Variants in TENM2 observed in about 807,000 individuals in gnomAD.
TENM2 encodes the protein teneurin-2.
A neutral mutation model predicts 245.2 loss-of-function variants in TENM2; 52 were observed. That is an observed-to-expected ratio of 0.21 (90% CI 0.17 to 0.27). The LOEUF is 0.27. Ranked by LOEUF, TENM2 falls within the 10% of genes least tolerant of loss-of-function variation. The pLI is 1.00. For synonymous variants in TENM2, 1,363 were observed against 1,438.9 expected (o/e 0.95, Z 1.19); for missense variants, 3,046 against 3,666.8 (o/e 0.83, Z 4.37).
At chr5:166,980,838 A>G in the TENM2 span, among the ~76,000 whole-genome samples, 6 of 152,222 alleles carry the variant, frequency 3.9e-5, no homozygotes, top group South Asian at 2.1e-4. Flanking sequence ...GTTCAGGGAT[A>G]CTCTGAGACA....
chr5:167,033,270 G>A, the TENM2 span, among the ~76,000 whole-genome samples: 9 of 152,258 alleles, frequency 5.9e-5, no homozygotes, highest in South Asian at 2.1e-4. Flanking sequence ...AGTTCACTTC[G>A]TAAAACAATG....
chr5:167,444,932 C>CACAG (rs1324765267), intron 2 of TENM2, among the ~76,000 whole-genome samples: 2 of 152,136 alleles, frequency 1.3e-5, no homozygotes, highest in African/African-American at 4.8e-5. Context: ...TCAAAGTGAT[C>CACAG]ACAGGTTCTA....
At chr5:167,176,420 T>C in the TENM2 span, among the ~76,000 whole-genome samples, 1 of 152,232 alleles carries the variant, frequency 6.6e-6, no homozygotes, top group Admixed American at 6.5e-5. Context: ...TCATTCTATC[T>C]AACTGGGCTG....
intron 2 of TENM2, among the ~76,000 whole-genome samples, chr5:167,582,667 T>C (rs1775172384): frequency 6.6e-6 from 1 of 152,194 alleles, no homozygotes; most frequent in Non-Finnish European, 1.5e-5. Context: ...TAAATGAACA[T>C]TTACATGGCA....
chr5:168,096,907 C>T (rs971542483), intron 8 of TENM2, among the ~76,000 whole-genome samples: 1 of 152,118 alleles, frequency 6.6e-6, no homozygotes, highest in African/African-American at 2.4e-5. Context: ...TCTGTGCAGA[C>T]CCAAATCAAC....
At chr5:167,237,972 T>C in the TENM2 span, among the ~76,000 whole-genome samples, 30,572 of 133,988 alleles carry the variant, frequency 0.23, 3,701 homozygotes, top group African/African-American at 0.37. Context: ...ATCATGCCAC[T>C]CCATTCCAGC....
chr5:167,942,733 A>G (rs1339010989), intron 3 of TENM2, among the ~76,000 whole-genome samples: 1 of 152,186 alleles, frequency 6.6e-6, no homozygotes, highest in Non-Finnish European at 1.5e-5. Flanking sequence ...ATGCAACATC[A>G]TAAGAAAGGT....
rs957365018 is a variant in TENM2 at position 167,771,956 on chromosome 5, G to A, written c.503-104030G>A. 1.7e-4 allele frequency among the ~76,000 whole-genome samples: 26 copies of A among 152,072 alleles called. 1 individual carries two copies. Among genetic ancestry groups the A allele is most frequent in the Non-Finnish European group, 3.4e-4 (23 of 68,024 alleles). On this transcript the variant is annotated intron_variant, in intron 2 of 28. Transcript: ENST00000518659. Reference sequence around the variant, plus strand: ...ATCTGAATGCCCTAGTTTGAAATGCGCTTTCTAATTATATAAATATGGTGG... The same window carrying A: ...ATCTGAATGCCCTAGTTTGAAATGCACTTTCTAATTATATAAATATGGTGG...
At chr5:167,424,689 G>T (rs1763707049) in intron 2 of TENM2, among the ~76,000 whole-genome samples, 1 of 151,720 alleles carries the variant, frequency 6.6e-6, no homozygotes, top group African/African-American at 2.4e-5. Flanking sequence ...ATTACATCTT[G>T]TTTTGTATTG....
At chr5:168,093,164 T>A (rs1020402925) in intron 8 of TENM2, among the ~76,000 whole-genome samples, 1 of 152,212 alleles carries the variant, frequency 6.6e-6, no homozygotes, top group South Asian at 2.1e-4. Flanking sequence ...GCACCTTTTC[T>A]GGGGTTCGGA....
chr5:167,815,483 C>T (rs114129415), intron 2 of TENM2, among the ~76,000 whole-genome samples: 5 of 152,246 alleles, frequency 3.3e-5, no homozygotes, highest in African/African-American at 1.2e-4. Context: ...GAGACTTACA[C>T]AGCTAGGAAG....
chr5:167,245,700 GAAGA>G, the TENM2 span, among the ~76,000 whole-genome samples: 56 of 152,196 alleles, frequency 3.7e-4, no homozygotes, highest in Non-Finnish European at 7.4e-5. Context: ...TGATGTTATA[GAAGA>G]AAGGATATTT....
intron 5 of TENM2, among the ~76,000 whole-genome samples, chr5:167,994,912 C>A (rs1417650266): frequency 6.6e-6 from 1 of 152,180 alleles, no homozygotes; most frequent in Non-Finnish European, 1.5e-5. Flanking sequence ...GCTAAAGTAG[C>A]TTTGTGTGCT....
intron 2 of TENM2, among the ~76,000 whole-genome samples, chr5:167,829,979 G>GC (rs1561830211): frequency 6.6e-6 from 1 of 152,200 alleles, no homozygotes; most frequent in Admixed American, 6.5e-5. Flanking sequence ...ATGGTCCCAG[G>GC]ATACCTCCTC....
chr5:167,353,585 G>A (rs1759104692), intron 1 of TENM2, among the ~76,000 whole-genome samples: 2 of 126,148 alleles, frequency 1.6e-5, no homozygotes, highest in Admixed American at 1.0e-4. Flanking sequence ...TCGGCTCACT[G>A]CAAGCTCCGC....
At chr5:167,576,463 A>G (rs2127671630) in intron 2 of TENM2, among the ~76,000 whole-genome samples, 1 of 152,290 alleles carries the variant, frequency 6.6e-6, no homozygotes, top group East Asian at 1.9e-4. Flanking sequence ...TTGAATCATT[A>G]CCGTTTATGA....
At chr5:167,288,811 G>A (rs184151022) in intron 1 of TENM2, among the ~76,000 whole-genome samples, 1 of 152,246 alleles carries the variant, frequency 6.6e-6, no homozygotes. Flanking sequence ...CTGTATTCAA[G>A]ACCTGTGTTT....
chr5:167,645,117 A>G (rs1002866089), intron 2 of TENM2, among the ~76,000 whole-genome samples: 4 of 152,336 alleles, frequency 2.6e-5, no homozygotes, highest in East Asian at 1.9e-4. Context: ...ACTGTCATAC[A>G]TGGGGTCTGA....
chr5:168,006,953 C>T (rs1749078996), intron 5 of TENM2, among the ~76,000 whole-genome samples: 1 of 152,112 alleles, frequency 6.6e-6, no homozygotes, highest in African/African-American at 2.4e-5. Context: ...GGTTTGGGGT[C>T]GTGGTTACGG....
Sources: gnomAD v4.1 joint callset for allele counts (sites outside exome capture counted in the v4.1 genomes callset) on GRCh38, gnomAD v4.1.1 for gene constraint, MANE v1.5 for transcripts, NCBI Gene and HGNC (gene_info 2026-07-23, HGNC 2026-07-21) for gene names.